The following SPAG9 variants were observed in gnomAD, a reference collection of about 807,000 sequenced individuals.
SPAG9 encodes sperm associated antigen 9.
In SPAG9, 35 loss-of-function variants were observed where a neutral mutation model predicts 166.5. That is an observed-to-expected ratio of 0.21 (90% CI 0.16 to 0.28). The LOEUF (loss-of-function observed/expected upper bound fraction) is 0.28. Ranked by LOEUF, SPAG9 falls within the 10% of genes least tolerant of loss-of-function variation. SPAG9 has a pLI of 1.00. For missense variants in SPAG9, 1,235 were observed against 1,603.3 expected (o/e 0.77, Z 3.92); for synonymous variants, 534 against 565.5 (o/e 0.94, Z 0.79).
intron 1 of SPAG9, among the ~76,000 whole-genome samples, chr17:51,098,325 G>GT (rs76882928): frequency 0.024 from 3,537 of 150,292 alleles, 59 homozygotes; most frequent in Non-Finnish European, 0.038. Flanking sequence ...ACAGTTCGTG[G>GT]TTTTTTTTTT....
intron 1 of SPAG9, among the ~76,000 whole-genome samples, chr17:51,115,994 T>G (rs1338040192): frequency 1.3e-5 from 2 of 152,162 alleles, no homozygotes; most frequent in Admixed American, 1.3e-4. Flanking sequence ...AAGAACTAAA[T>G]TCCTAAAGGT....
intron 19 of SPAG9, among the ~76,000 whole-genome samples, chr17:50,992,873 G>T (rs1975711731): frequency 6.6e-6 from 1 of 151,972 alleles, no homozygotes. Flanking sequence ...GAGGCGGGCA[G>T]ATCACGAGGT....
intron 5 of SPAG9, 93 bp downstream of exon 5, chr17:51,041,408 C>A: frequency 8.5e-7 from 1 of 1,175,090 alleles, no homozygotes; most frequent in South Asian, 1.8e-5. Context: ...CAAACAATTA[C>A]ATTTTACTAT....
Position 50,999,408 on chromosome 17 carries a change from C to A in SPAG9, c.1664+253G>T, listed in dbSNP as rs9894420. The A allele has an allele frequency of 0.015, 19,298 of 1,273,380 alleles. 1,367 individuals are homozygous for A. In the African/African-American group the frequency reaches 0.2, roughly 13 times the overall value. 78.9% of individuals were successfully genotyped at this position (1,273,380 alleles called of 1,614,324 possible). A position where few individuals can be genotyped will look rare whatever the true frequency, so the allele number is the denominator to read the frequency against. On this transcript the variant is annotated intron_variant, in intron 14 of 29. Transcript: ENST00000262013. Reference sequence around the variant, plus strand: ...ATTATTTAAATTTGGCAGAGGATTGCAACAAATGCACAGTCAACATGATGC... The same window carrying A: ...ATTATTTAAATTTGGCAGAGGATTGAAACAAATGCACAGTCAACATGATGC...
intron 2 of SPAG9, among the ~76,000 whole-genome samples, chr17:51,073,032 A>C (rs113122835): frequency 0.012 from 1,887 of 152,254 alleles, 41 homozygotes; most frequent in African/African-American, 0.042. Context: ...TCTACAAAAA[A>C]TACAAAACTT....
At chr17:51,066,560 A>ACAAAAAG (rs1431209592) in intron 2 of SPAG9, among the ~76,000 whole-genome samples, 118 of 107,406 alleles carry the variant, frequency 1.1e-3, no homozygotes, top group African/African-American at 4.5e-3. Flanking sequence ...GTCTCAAAAA[A>ACAAAAAG]AAAAAAGAAA....
chr17:51,060,377 G>A (rs557936398), intron 2 of SPAG9, among the ~76,000 whole-genome samples: 10 of 151,718 alleles, frequency 6.6e-5, no homozygotes, highest in African/African-American at 2.4e-4. Context: ...ATGGCAAATA[G>A]CAGTAATCCC....
chr17:51,078,487 G>C (rs1375494497), intron 2 of SPAG9, among the ~76,000 whole-genome samples: 4 of 152,078 alleles, frequency 2.6e-5, no homozygotes, highest in Admixed American at 6.6e-5. Context: ...TGAGTAATGT[G>C]GATAGAGTAG....
rs186699552 is a variant in SPAG9 at position 51,058,978 on chromosome 17, A to G, written c.425-2496T>C. ...CCAAAGGTATTTAAAACAATGTTCA[A>G]AGAAGCACAATCTGAAAACAATCCA... On this transcript the variant is annotated intron_variant, in intron 2 of 29. Transcript: ENST00000262013. 5.0e-3 allele frequency among the ~76,000 whole-genome samples: 766 copies of G among 152,332 alleles called. 2 individuals are homozygous for G. Among genetic ancestry groups the G allele is most frequent in the Non-Finnish European group, 6.2e-3 (425 of 68,030 alleles).
chr17:51,109,091 A>G (rs1410271703), intron 1 of SPAG9, among the ~76,000 whole-genome samples: 2 of 151,334 alleles, frequency 1.3e-5, no homozygotes, highest in Non-Finnish European at 3.0e-5. Flanking sequence ...CGAACTCCTG[A>G]CCTCAGGTGA....
intron 22 of SPAG9, 89 bp from the exon 23 acceptor site, chr17:50,985,867 G>C: frequency 1.4e-6 from 1 of 704,288 alleles, no homozygotes; most frequent in Non-Finnish European, 2.3e-6. Flanking sequence ...CATTCAGAAG[G>C]AAAGAAGAGT....
intron 1 of SPAG9, among the ~76,000 whole-genome samples, chr17:51,081,780 A>C (rs1281430138): frequency 6.6e-6 from 1 of 151,998 alleles, no homozygotes; most frequent in Non-Finnish European, 1.5e-5. Context: ...TCCTCTGCTT[A>C]AAACGCTCTA....
intron 2 of SPAG9, among the ~76,000 whole-genome samples, chr17:51,073,296 C>T (rs1165175549): frequency 6.6e-6 from 1 of 152,004 alleles, no homozygotes; most frequent in Non-Finnish European, 1.5e-5. Flanking sequence ...CCACTGCACT[C>T]CAGCCTGGGC....
At chr17:51,022,333 A>C (rs2045973001) in intron 6 of SPAG9, among the ~76,000 whole-genome samples, 2 of 152,098 alleles carry the variant, frequency 1.3e-5, no homozygotes, top group South Asian at 4.1e-4. Flanking sequence ...AGAATAGGTC[A>C]TCTATATTTT....
At chr17:50,976,016 C>A in intron 27 of SPAG9, 1 of 770,980 alleles carries the variant, frequency 1.3e-6, no homozygotes, top group Non-Finnish European at 2.2e-6. Flanking sequence ...GCTCAAAGCC[C>A]CTAACGAAAA....
chr17:51,093,569 C>A (rs914024646), intron 1 of SPAG9, among the ~76,000 whole-genome samples: 1 of 151,676 alleles, frequency 6.6e-6, no homozygotes, highest in African/African-American at 2.4e-5. Flanking sequence ...GTGGCGGGTG[C>A]CTCTAGTCCC....
intron 3 of SPAG9, among the ~76,000 whole-genome samples, chr17:51,054,952 C>T (rs1403937511): frequency 6.6e-6 from 1 of 152,050 alleles, no homozygotes; most frequent in Non-Finnish European, 1.5e-5. Context: ...TACACCCTAC[C>T]CCAAGAAAGT....
chr17:51,028,031 G>A (rs2046251991), intron 6 of SPAG9, among the ~76,000 whole-genome samples: 1 of 149,848 alleles, frequency 6.7e-6, no homozygotes. Flanking sequence ...AATAATATGT[G>A]TGTGTCTTGG....
chr17:50,972,789 G>C (rs1486184806), intron 28 of SPAG9, among the ~76,000 whole-genome samples: 1 of 152,232 alleles, frequency 6.6e-6, no homozygotes, highest in Non-Finnish European at 1.5e-5. Flanking sequence ...AAGCATGCCA[G>C]CAATGACTTC....
Sources: allele counts gnomAD v4.1 joint callset (sites outside exome capture counted in the v4.1 genomes callset), GRCh38; gene constraint gnomAD v4.1.1; transcripts MANE v1.5; gene names NCBI Gene and HGNC (gene_info 2026-07-23, HGNC 2026-07-21).